Variants in AKNA observed in about 807,000 individuals in gnomAD.
AKNA encodes the protein AT-hook transcription factor.
In AKNA, 67 loss-of-function variants were observed where a neutral mutation model predicts 138.8. That is an observed-to-expected ratio of 0.48 (90% CI 0.40 to 0.59). AKNA has a LOEUF of 0.59. Ranked by LOEUF, AKNA falls within the 20% of genes least tolerant of loss-of-function variation. AKNA has a pLI of 0.00. For synonymous variants in AKNA, 737 were observed against 754.4 expected, an observed-to-expected ratio of 0.98 and a Z score of 0.38; for missense variants, 1,813 against 1,880.4, an observed-to-expected ratio of 0.96 and a Z score of 0.66.
intron 1 of AKNA, among the ~76,000 whole-genome samples, chr9:114,383,764 A>G (rs1419943227): frequency 6.6e-6 from 1 of 152,208 alleles, no homozygotes; most frequent in Non-Finnish European, 1.5e-5. Context: ...TTTTGGACAC[A>G]AAGTTCCCCA....
upstream of AKNA, among the ~76,000 whole-genome samples, chr9:114,392,104 CAAA>C (rs61619495): frequency 6.9e-5 from 6 of 86,602 alleles, no homozygotes; most frequent in African/African-American, 1.9e-4. Flanking sequence ...AGACGCTTGT[CAAA>C]AAAAAAAAAA....
At chr9:114,379,713 G>C (rs1489859036) in intron 2 of AKNA, among the ~76,000 whole-genome samples, 2 of 152,190 alleles carry the variant, frequency 1.3e-5, no homozygotes, top group East Asian at 1.9e-4. Flanking sequence ...TCATTTTATA[G>C]ATGGAAAAAG....
rs901443083 is a variant in AKNA at position 114,355,177 on chromosome 9, C to CT, written c.3058+747dup. 7.6e-3 allele frequency among the ~76,000 whole-genome samples: 778 copies of CT among 102,032 alleles called. 8 individuals carry two copies. The highest frequency in any genetic ancestry group is 0.018 in the African/African-American group (462 of 25,976). 66.9% of individuals were successfully genotyped at this position (102,032 alleles called of 152,430 possible). On this transcript the variant is annotated intron_variant, in intron 14 of 21. Coordinates refer to ENST00000374088, the MANE Select transcript of AKNA (RefSeq NM_001317950.2). ...GCCACCATGCCCGGCCTGTACTGTA[C>CT]TTTTTTTTTTTTTTTTGATACAGAG...
At chr9:114,364,740 G>T in intron 6 of AKNA, 121 bp from the exon 7 acceptor site, 2 of 1,025,048 alleles carry the variant, frequency 2.0e-6, no homozygotes, top group Non-Finnish European at 1.5e-6. Context: ...TGGGGTTTCT[G>T]CCAAGCATGG....
Position 114,337,121 on chromosome 9 carries a change from T to C in AKNA, c.4253A>G (p.Gln1418Arg), listed in dbSNP as rs750525549. 1.4e-5 allele frequency: 23 copies of C among 1,606,346 alleles called. No homozygotes were observed. The Admixed American group carries it at 3.5e-4, about 25-fold the overall frequency. The change falls in exon 22 of 22, where the codon CAG (glutamine) becomes CGG (arginine). Residue 1418 changes from glutamine to arginine, a missense_variant. Gln to Arg is a conservative substitution (Grantham distance 43). Coordinates refer to ENST00000374088, the MANE Select transcript of AKNA (RefSeq NM_001317950.2). ...AAESVRSTTR[Q>R]MRSSLSADLR... ...GTCGGCTGACAGCGAGCTTCTCATC[T>C]GCCTGGTGGTAGAGCGGACGCTCTC...
chr9:114,335,526 A>T lies in AKNA; in HGVS notation c.*1528T>A, dbSNP rs1487286910. On this transcript the variant is annotated 3_prime_UTR_variant, in exon 22 of 22. Transcript: ENST00000374088. ...ATGGCTCACGCCTGTAATCCCAGCA[A>T]TTTGGGAGGCTGAGGTGGGTGGATC... The T allele has an allele frequency of 6.6e-6, 1 of 152,226 alleles. No homozygotes were observed. The highest frequency in any genetic ancestry group is 1.5e-5 in the Non-Finnish European group (1 of 68,046). 9.4% of individuals were successfully genotyped at this position (152,226 alleles called of 1,614,324 possible).
In AKNA at chr9:114,336,679, A is replaced by T; in HGVS notation, c.*375T>A. ...TTGTCTGGCCCCCTAAAGAGGACCC[A>T]AGATCAGGAAAACTCCCCAGTTTAA... is the stretch of plus-strand genomic sequence containing the variant. On this transcript the variant is annotated 3_prime_UTR_variant, in exon 22 of 22. Transcript: ENST00000374088. 1 of 201,878 alleles carries T rather than the reference A, an allele frequency of 5.0e-6. No homozygotes were observed. The highest frequency in any genetic ancestry group is 9.9e-6 in the Non-Finnish European group (1 of 101,302). 12.5% of individuals were successfully genotyped at this position (201,878 alleles called of 1,614,324 possible).
At chr9:114,331,879 G>C (rs148221879), downstream of AKNA, 162 of 1,613,722 alleles carry the variant, frequency 1.0e-4, 1 homozygote, top group Middle Eastern at 3.3e-4. Context: ...CGAAGCTCTC[G>C]ACTGCTTGTG....
rs1030754161 is a variant in AKNA at position 114,336,906 on chromosome 9, A to C, written c.*148T>G. On this transcript the variant is annotated 3_prime_UTR_variant, in exon 22 of 22. Transcript: ENST00000374088. ...CCCCCTCCACTTGGAAAGCACAGGGACTGAGCAGGCGGGACCTGTGCTGGA... is the reference window on the plus strand; with the variant it reads ...CCCCCTCCACTTGGAAAGCACAGGGCCTGAGCAGGCGGGACCTGTGCTGGA... 7.9e-6 allele frequency: 8 copies of C among 1,014,628 alleles called. No homozygotes were observed. In the African/African-American group the frequency reaches 1.2e-4, roughly 15 times the overall value. 62.9% of individuals were successfully genotyped at this position (1,014,628 alleles called of 1,614,324 possible).
At chr9:114,343,941 AG>A in intron 18 of AKNA, 138 bp from the exon 19 acceptor site, 1 of 709,884 alleles carries the variant, frequency 1.4e-6, no homozygotes, top group Non-Finnish European at 2.4e-6. Context: ...GCACACGGTG[AG>A]TGTGCATACA....
intron 11 of AKNA, among the ~76,000 whole-genome samples, chr9:114,358,652 CTG>C (rs1451926069): frequency 1.3e-5 from 2 of 151,780 alleles, no homozygotes. Flanking sequence ...TGCTCTCATA[CTG>C]TCTCTCTCTC....
intron 4 of AKNA, among the ~76,000 whole-genome samples, chr9:114,373,419 C>T (rs1336300062): frequency 6.6e-6 from 1 of 152,042 alleles, no homozygotes; most frequent in African/African-American, 2.4e-5. Context: ...AAGATTCAGG[C>T]CCAAAAAACA....
At chr9:114,393,461 G>A (rs1834427996) in intron 1 of AKNA, among the ~76,000 whole-genome samples, 2 of 150,762 alleles carry the variant, frequency 1.3e-5, no homozygotes, top group Admixed American at 1.3e-4. Context: ...TCCTGACCTC[G>A]TGATCCACCC....
chr9:114,355,392 G>T (rs555691030), intron 14 of AKNA, among the ~76,000 whole-genome samples: 1 of 151,186 alleles, frequency 6.6e-6, no homozygotes, highest in African/African-American at 2.4e-5. Flanking sequence ...GGCCAGGCTC[G>T]TCTCGAACTC....
Position 114,337,013 on chromosome 9 carries a change from G to GCCCCCCCCCCC in AKNA, c.*40_*41insGGGGGGGGGGG. The GCCCCCCCCCCC allele has an allele frequency of 1.7e-6, 2 of 1,185,368 alleles. No homozygotes were observed. The highest frequency in any genetic ancestry group is 4.0e-5 in the Admixed American group (1 of 25,086). 73.4% of individuals were successfully genotyped at this position (1,185,368 alleles called of 1,614,324 possible). A position where few individuals can be genotyped will look rare whatever the true frequency, so the allele number is the denominator to read the frequency against. On this transcript the variant is annotated 3_prime_UTR_variant, in exon 22 of 22. Coordinates refer to ENST00000374088, the MANE Select transcript of AKNA (RefSeq NM_001317950.2). ...CCACTCCTGGCCTGGCAGGCCACCT[G>GCCCCCCCCCCC]CCCACCCACCCACCCATCTGCCTCT...
At chr9:114,345,228 C>T (rs1203007624) in intron 18 of AKNA, 1 of 152,096 alleles carries the variant, frequency 6.6e-6, no homozygotes, top group Non-Finnish European at 1.5e-5. Context: ...AGGCACCCGC[C>T]ACCACACCCA....
upstream of AKNA, among the ~76,000 whole-genome samples, chr9:114,390,809 C>A (rs1298290088): frequency 6.6e-6 from 1 of 152,238 alleles, no homozygotes; most frequent in Non-Finnish European, 1.5e-5. Flanking sequence ...CCTCCCCTCA[C>A]CCAGTCCCAC....
intron 21 of AKNA, among the ~76,000 whole-genome samples, chr9:114,338,134 CAG>C (rs979696262): frequency 2.6e-5 from 4 of 152,178 alleles, no homozygotes; most frequent in African/African-American, 7.2e-5. Flanking sequence ...GAGGACGCAG[CAG>C]AGTCATTCAT....
intron 6 of AKNA, 62 bp from the exon 7 acceptor site, chr9:114,364,681 C>A: frequency 6.5e-7 from 1 of 1,540,774 alleles, no homozygotes; most frequent in South Asian, 1.1e-5. Flanking sequence ...CTCCCACACC[C>A]AGCCACATCT....
Sources: gnomAD v4.1 joint callset for allele counts (sites outside exome capture counted in the v4.1 genomes callset) on GRCh38, gnomAD v4.1.1 for gene constraint, MANE v1.5 for transcripts, NCBI Gene and HGNC (gene_info 2026-07-23, HGNC 2026-07-21) for gene names.